The following TTC39A variants were observed in gnomAD, a reference collection of about 807,000 sequenced individuals.
The protein encoded by TTC39A is tetratricopeptide repeat domain 39A, also known as tetratricopeptide repeat protein 39A.
TTC39A carries 46 observed loss-of-function variants against 82.3 expected under a neutral mutation model. The observed-to-expected ratio is 0.56, with a 90% confidence interval of 0.44 to 0.71. TTC39A has a LOEUF of 0.71. Ranked by LOEUF, TTC39A falls within the 30% of genes least tolerant of loss-of-function variation. TTC39A has a pLI of 0.00. For synonymous variants in TTC39A, 254 were observed against 275.2 expected, an observed-to-expected ratio of 0.92 and a Z score of 0.76; for missense variants, 543 against 712.9, an observed-to-expected ratio of 0.76 and a Z score of 2.71.
At chr1:51,302,868 A>G (rs904135596) in intron 9 of TTC39A, among the ~76,000 whole-genome samples, 1 of 152,276 alleles carries the variant, frequency 6.6e-6, no homozygotes. Flanking sequence ...AACCACCCCC[A>G]TTTCACAGAT....
chr1:51,304,320 A>C (rs1644791268), intron 8 of TTC39A, among the ~76,000 whole-genome samples: 1 of 152,238 alleles, frequency 6.6e-6, no homozygotes, highest in Admixed American at 6.5e-5. Context: ...AGTAATATAT[A>C]AATTATAATA....
intron 6 of TTC39A, among the ~76,000 whole-genome samples, chr1:51,308,233 C>T (rs569386267): frequency 6.6e-6 from 1 of 151,930 alleles, no homozygotes; most frequent in African/African-American, 2.4e-5. Flanking sequence ...AAACCTCTTG[C>T]CGCCACCCCC....
intron 14 of TTC39A, among the ~76,000 whole-genome samples, chr1:51,290,901 A>G (rs1557694870): frequency 6.6e-6 from 1 of 152,148 alleles, no homozygotes; most frequent in Non-Finnish European, 1.5e-5. Flanking sequence ...CAAGTTTTCC[A>G]GCTATTTTCC....
At chr1:51,289,529 G>C (rs1230920527) in intron 16 of TTC39A, among the ~76,000 whole-genome samples, 1 of 152,138 alleles carries the variant, frequency 6.6e-6, no homozygotes, top group Non-Finnish European at 1.5e-5. Context: ...GTCCTCCCTT[G>C]CTTTCTCTGC....
At chr1:51,289,116 T>A (rs1644103594) in intron 16 of TTC39A, among the ~76,000 whole-genome samples, 161 bp from the exon 17 acceptor site, 1 of 152,128 alleles carries the variant, frequency 6.6e-6, no homozygotes, top group Non-Finnish European at 1.5e-5. Flanking sequence ...TACCTTGGGC[T>A]CCAGCTCCCT....
intron 1 of TTC39A, among the ~76,000 whole-genome samples, chr1:51,344,048 G>GTAAAAT (rs1646067435): frequency 6.6e-6 from 1 of 152,170 alleles, no homozygotes; most frequent in Non-Finnish European, 1.5e-5. Context: ...AAGTTGGGAG[G>GTAAAAT]TAAAATCAAC....
chr1:51,312,487 T>A (rs2148230792), intron 3 of TTC39A, among the ~76,000 whole-genome samples: 1 of 152,248 alleles, frequency 6.6e-6, no homozygotes, highest in Admixed American at 6.5e-5. Context: ...GTGATGCTGC[T>A]CCTGGCAGCT....
intron 16 of TTC39A, among the ~76,000 whole-genome samples, chr1:51,289,162 C>T (rs7515784): frequency 0.012 from 1,753 of 152,204 alleles, 29 homozygotes; most frequent in African/African-American, 0.039. Flanking sequence ...CTTAGTCCAC[C>T]GCCACCTAAG....
At position 51,330,488 on chromosome 1, in the gene TTC39A, C is replaced by A; in HGVS notation, c.-11G>T. On this transcript the variant is annotated 5_prime_UTR_variant, in exon 1 of 18. Coordinates refer to ENST00000680483, the MANE Select transcript of TTC39A (RefSeq NM_001297663.2). The surrounding 1 kb of genome is among the most constrained non-coding windows in gnomAD (Gnocchi z 4.5). Reference sequence around the variant, plus strand: ...GCCAGCCGAGGTCATCGCCGAGGGGCGCGGGCGGCGCTGCCCCAGCCGGAC... The same window carrying A: ...GCCAGCCGAGGTCATCGCCGAGGGGAGCGGGCGGCGCTGCCCCAGCCGGAC... The A allele has an allele frequency of 1.0e-6, 1 of 983,406 alleles. No individual in the cohort carries two copies. Among genetic ancestry groups the A allele is most frequent in the Non-Finnish European group, 1.2e-6 (1 of 830,074 alleles). The allele number at this position is 983,406 out of a possible 1,614,324, so 60.9% of individuals were successfully genotyped here.
chr1:51,312,351 G>C (rs1645117142), intron 3 of TTC39A, among the ~76,000 whole-genome samples, 156 bp from the exon 4 acceptor site: 1 of 152,140 alleles, frequency 6.6e-6, no homozygotes, highest in African/African-American at 2.4e-5. Flanking sequence ...TGATATTCTG[G>C]CAAAAAAGTC....
At chr1:51,289,596 A>G (rs1644124334) in intron 16 of TTC39A, among the ~76,000 whole-genome samples, 1 of 152,136 alleles carries the variant, frequency 6.6e-6, no homozygotes, top group African/African-American at 2.4e-5. Flanking sequence ...GGTATCTCCC[A>G]TTAAGTTTAG....
intron 2 of TTC39A, among the ~76,000 whole-genome samples, chr1:51,316,669 C>T (rs1645297603): frequency 6.6e-6 from 1 of 152,218 alleles, no homozygotes; most frequent in South Asian, 2.1e-4. Flanking sequence ...CCTTATTATC[C>T]CTGCAACACC....
At chr1:51,311,180 G>A in intron 5 of TTC39A, 74 bp downstream of exon 5, 1 of 1,426,168 alleles carries the variant, frequency 7.0e-7, no homozygotes. Context: ...GTTGCTCTAG[G>A]GGATGGGTCA....
intron 12 of TTC39A, chr1:51,298,256 CA>C (rs1026755256): frequency 6.6e-6 from 1 of 152,276 alleles, no homozygotes; most frequent in African/African-American, 2.4e-5. Flanking sequence ...GGTGGCCCAG[CA>C]ACTGCTGGTG....
At chr1:51,322,017 G>A in intron 1 of TTC39A, 192 bp from the exon 2 acceptor site, 1 of 1,467,360 alleles carries the variant, frequency 6.8e-7, no homozygotes, top group Non-Finnish European at 9.2e-7. Flanking sequence ...GTTCCCAAGG[G>A]TGGGAGGGGG....
Position 51,321,676 on chromosome 1 carries a change from G to T in TTC39A, c.146+45C>A. On this transcript the variant is annotated intron_variant, in intron 2 of 17. Transcript: ENST00000680483. The surrounding 1 kb of genome is among the most constrained non-coding windows in gnomAD (Gnocchi z 4.6). The stretch of plus-strand genomic sequence containing the variant: ...TCATACAAGACCTCTGGTTCTCCCT[G>T]ACCGTCATGCACACCCCCTACCCCA... 6.3e-7 allele frequency: 1 copy of T among 1,576,032 alleles called. No individual in the cohort carries two copies. The highest frequency in any genetic ancestry group is 1.1e-5 in the South Asian group (1 of 88,012).
intron 12 of TTC39A, chr1:51,297,650 T>C (rs1361127944): frequency 1.3e-5 from 2 of 152,372 alleles, no homozygotes; most frequent in Admixed American, 1.3e-4. Context: ...GCCCTACGGC[T>C]CTCATTATCG....
At chr1:51,289,637 C>T (rs759610421) in intron 16 of TTC39A, among the ~76,000 whole-genome samples, 11 of 152,218 alleles carry the variant, frequency 7.2e-5, no homozygotes, top group East Asian at 5.8e-4. Flanking sequence ...CTGTCCTCTC[C>T]GCTTTCCTTT....
intron 14 of TTC39A, among the ~76,000 whole-genome samples, chr1:51,293,282 G>C (rs1468089921): frequency 1.3e-5 from 2 of 152,164 alleles, no homozygotes; most frequent in African/African-American, 4.8e-5. Context: ...GATCAGGCCA[G>C]TCTCTAACTC....
Sources: allele counts gnomAD v4.1 joint callset (sites outside exome capture counted in the v4.1 genomes callset), GRCh38; gene constraint gnomAD v4.1.1; non-coding constraint Gnocchi (gnomAD v3.1); transcripts MANE v1.5; gene names NCBI Gene and HGNC (gene_info 2026-07-23, HGNC 2026-07-21).